The following PI4K2B variants were observed in gnomAD, a reference collection of about 807,000 sequenced individuals.
The protein encoded by PI4K2B is phosphatidylinositol 4-kinase type 2-beta.
In PI4K2B, 46 loss-of-function variants were observed where a neutral mutation model predicts 56.6. The ratio of observed to expected loss-of-function variants is 0.81; its 90% CI spans 0.64 to 1.04. The LOEUF is 1.04. Among genes scored for constraint, PI4K2B ranks in the 50% least tolerant of loss-of-function variants. PI4K2B has a pLI of 0.00. For synonymous variants in PI4K2B, 211 were observed against 223.8 expected (o/e 0.94, Z 0.51); for missense variants, 556 against 607.7 (o/e 0.91, Z 0.89).
Position 25,234,217 on chromosome 4 carries a change from G to T in PI4K2B, c.54G>T (p.Pro18=). Residue 18 remains proline (P), a synonymous_variant, in exon 1 of 10, where the codon CCG becomes CCT. Transcript: ENST00000264864. ...TGGCGTCCGCGGACGGCGGGAGCCC[G>T]GAGGAGGAGGAGGATGGGGAGCGGG... ...DRLASADGGS[P]EEEEDGEREP... is the part of the protein sequence containing the mutation. The T allele has an allele frequency of 7.2e-7, 1 of 1,388,184 alleles. No individual in the cohort carries two copies. The allele number at this position is 1,388,184 out of a possible 1,614,324, so 86.0% of individuals were successfully genotyped here. A position where few individuals can be genotyped will look rare whatever the true frequency, so the allele number is the denominator to read the frequency against.
chr4:25,244,546 T>C (rs1010789534), intron 1 of PI4K2B, among the ~76,000 whole-genome samples: 4 of 152,206 alleles, frequency 2.6e-5, no homozygotes, highest in Non-Finnish European at 5.9e-5. Context: ...AGAGAGAATA[T>C]TGGGGCCAAG....
In PI4K2B at chr4:25,243,281, G is replaced by A. The variant is rs190227719; in HGVS notation, c.268+8850G>A. Among the ~76,000 whole-genome samples the A allele has an allele frequency of 1.5e-3, 232 of 152,324 alleles. 1 individual carries two copies. The highest frequency in any genetic ancestry group is 3.4e-3 in the Middle Eastern group (1 of 294). The stretch of plus-strand genomic sequence containing the variant: ...GACCCAGGGAACCTTCGTCCTCTGG[G>A]GCAGTGCACCTTCCAGTGATTGCTT... On this transcript the variant is annotated intron_variant, in intron 1 of 9. Transcript: ENST00000264864.
chr4:25,269,863 A>G (rs180854188), intron 9 of PI4K2B, among the ~76,000 whole-genome samples: 12,692 of 150,816 alleles, frequency 0.084, 697 homozygotes, highest in South Asian at 0.19. Context: ...ACAGGCGCCC[A>G]CCACCACACC....
Position 25,255,017 on chromosome 4 carries a change from A to T in PI4K2B, c.424-48A>T, listed in dbSNP as rs1229595328. 3 of 1,227,944 alleles carry T rather than the reference A, an allele frequency of 2.4e-6. No individual in the cohort carries two copies. In the East Asian group the frequency reaches 7.5e-5, roughly 31 times the overall value. The allele number at this position is 1,227,944 out of a possible 1,614,324, so 76.1% of individuals were successfully genotyped here. ...ATTAGAATGCATTTTATGGATGATT[A>T]TCTATATATGTAAAAAGTCTAATAA... On this transcript the variant is annotated intron_variant, in intron 2 of 9. Transcript: ENST00000264864.
At chr4:25,246,866 C>T (rs946991684) in intron 1 of PI4K2B, among the ~76,000 whole-genome samples, 1 of 152,242 alleles carries the variant, frequency 6.6e-6, no homozygotes, top group African/African-American at 2.4e-5. Flanking sequence ...GGTGCTAAGC[C>T]CCTCACTGCC....
rs1193452667 is a variant in PI4K2B, at chr4:25,252,378, T to C, written c.326T>C (p.Ile109Thr). ...TTGGATGACCCAGAATTTGCCGATATTATGCTGAGAGCAGAGCAAGCAATA... is the reference window on the plus strand; with the variant it reads ...TTGGATGACCCAGAATTTGCCGATACTATGCTGAGAGCAGAGCAAGCAATA... ...AFLDDPEFAD[I>T]MLRAEQAIEV... Residue 109 changes from isoleucine to threonine, a missense_variant, in exon 2 of 10, where the codon ATT becomes ACT. Coordinates refer to ENST00000264864, the MANE Select transcript of PI4K2B (RefSeq NM_018323.4). 1.9e-6 allele frequency: 3 copies of C among 1,607,432 alleles called. No homozygotes were observed. The highest frequency in any genetic ancestry group is 2.2e-5 in the East Asian group (1 of 44,838).
intron 1 of PI4K2B, among the ~76,000 whole-genome samples, chr4:25,242,003 G>C (rs1358848824): frequency 6.6e-6 from 1 of 152,104 alleles, no homozygotes; most frequent in East Asian, 1.9e-4. Flanking sequence ...CTGTATCCAG[G>C]GATGCATAGT....
Position 25,234,172 on chromosome 4 carries a change from TC to T in PI4K2B, c.12del (p.Ser5ProfsTer43). On this transcript the variant is annotated frameshift_variant, in exon 1 of 10. Coordinates refer to ENST00000264864, the MANE Select transcript of PI4K2B (RefSeq NM_018323.4). LOFTEE classifies it high-confidence loss of function. ...GGGAGCAGAGGGAGTCCATGGAGGA[TC>T]CCTCCGAGCCCGACCGGTTGGCGTC... MED[P>X]SEPDRLASAD... 2 of 1,378,292 alleles carry T rather than the reference TC, an allele frequency of 1.5e-6. No individual in the cohort carries two copies. Among genetic ancestry groups the T allele is most frequent in the Admixed American group, 3.3e-5 (1 of 30,746 alleles). 85.4% of individuals were successfully genotyped at this position (1,378,292 alleles called of 1,614,324 possible). A position where few individuals can be genotyped will look rare whatever the true frequency, so the allele number is the denominator to read the frequency against.
chr4:25,250,346 A>G (rs1716002417), intron 1 of PI4K2B, among the ~76,000 whole-genome samples: 1 of 152,214 alleles, frequency 6.6e-6, no homozygotes. Flanking sequence ...ACACAGGAAC[A>G]GAAAACCAAA....
At chr4:25,237,530 C>T (rs1229949186) in intron 1 of PI4K2B, among the ~76,000 whole-genome samples, 4 of 152,114 alleles carry the variant, frequency 2.6e-5, no homozygotes, top group Non-Finnish European at 5.9e-5. Flanking sequence ...ACATGCCTGG[C>T]TAATTTTGTA....
rs1166942890 is a variant in PI4K2B, at chr4:25,270,741, A to T, written c.1272+1538A>T. On this transcript the variant is annotated intron_variant, in intron 9 of 9. Coordinates refer to ENST00000264864, the MANE Select transcript of PI4K2B (RefSeq NM_018323.4). ...CTCACTGCAGGCTGGGCTCACTGTT[A>T]GATGACTTCTGCTTCTTGGACTCTA... 2.6e-5 allele frequency among the ~76,000 whole-genome samples: 4 copies of T among 152,360 alleles called. No homozygotes were observed. The East Asian group carries it at 7.7e-4, about 29-fold the overall frequency.
rs1228041673 is a variant in PI4K2B at position 25,278,956 on chromosome 4, C to A, written c.*1769C>A. The A allele has an allele frequency of 2.0e-5, 3 of 152,384 alleles. No individual in the cohort carries two copies. The highest frequency in any genetic ancestry group is 4.4e-5 in the Non-Finnish European group (3 of 67,996). The allele number at this position is 152,384 out of a possible 1,614,324, so 9.4% of individuals were successfully genotyped here. A position where few individuals can be genotyped will look rare whatever the true frequency, so the allele number is the denominator to read the frequency against. ...AGATAGTTAAGATATAACCACAAGT[C>A]AGAGTACATTGGTTGTATTTTGTAA... is the stretch of plus-strand genomic sequence containing the variant. On this transcript the variant is annotated 3_prime_UTR_variant, in exon 10 of 10. Coordinates refer to ENST00000264864, the MANE Select transcript of PI4K2B (RefSeq NM_018323.4).
At chr4:25,261,880 G>T (rs1716491021) in intron 6 of PI4K2B, among the ~76,000 whole-genome samples, 1 of 152,190 alleles carries the variant, frequency 6.6e-6, no homozygotes, top group African/African-American at 2.4e-5. Context: ...GTTAATATAG[G>T]AAGTTAATTG....
In PI4K2B at chr4:25,278,008, A is replaced by G. The variant is rs1577703976; in HGVS notation, c.*821A>G. 1.3e-5 allele frequency: 2 copies of G among 152,286 alleles called. No individual in the cohort carries two copies. Among genetic ancestry groups the G allele is most frequent in the South Asian group, 2.1e-4 (1 of 4,822 alleles). The allele number at this position is 152,286 out of a possible 1,614,324, so 9.4% of individuals were successfully genotyped here. On this transcript the variant is annotated 3_prime_UTR_variant, in exon 10 of 10. Transcript: ENST00000264864. ...TGGCCTTGTTCAATTTAGTACTTCA[A>G]TTAGTATTAAACTTCACTAAAAAGT... is the stretch of plus-strand genomic sequence containing the variant.
intron 1 of PI4K2B, among the ~76,000 whole-genome samples, chr4:25,244,139 T>C (rs1046574943): frequency 2.6e-5 from 4 of 152,200 alleles, no homozygotes; most frequent in African/African-American, 9.7e-5. Context: ...TCTGCCTTGA[T>C]CTGCTTTAAA....
At chr4:25,253,305 G>A (rs1716134844) in intron 2 of PI4K2B, among the ~76,000 whole-genome samples, 1 of 152,118 alleles carries the variant, frequency 6.6e-6, no homozygotes, top group African/African-American at 2.4e-5. Context: ...AAGTTGATGT[G>A]GCACTTTGCT....
At chr4:25,235,023 G>A (rs1484653011) in intron 1 of PI4K2B, among the ~76,000 whole-genome samples, 1 of 152,192 alleles carries the variant, frequency 6.6e-6, no homozygotes, top group African/African-American at 2.4e-5. Flanking sequence ...AAACCAAAAC[G>A]AAAAACCTCT....
intron 1 of PI4K2B, among the ~76,000 whole-genome samples, chr4:25,239,298 G>A (rs1043290592): frequency 5.3e-5 from 8 of 152,152 alleles, no homozygotes; most frequent in South Asian, 4.1e-4. Context: ...AGGGGGTGGC[G>A]CTTGTTGGGG....
At chr4:25,236,689 A>G (rs76782261) in intron 1 of PI4K2B, among the ~76,000 whole-genome samples, 1,565 of 152,318 alleles carry the variant, frequency 0.01, 22 homozygotes, top group African/African-American at 0.035. Context: ...GGTTTGCCCG[A>G]AGTCAAATAT....
Sources: allele counts gnomAD v4.1 joint callset (sites outside exome capture counted in the v4.1 genomes callset), GRCh38; gene constraint gnomAD v4.1.1; transcripts MANE v1.5; gene names NCBI Gene and HGNC (gene_info 2026-07-23, HGNC 2026-07-21).